NRXN3: variants seen among roughly 807,000 people sequenced by gnomAD.
NRXN3 encodes neurexin 3.
Under a neutral mutation model 137.6 loss-of-function variants are expected in NRXN3, and 32 were observed. The observed-to-expected ratio is 0.23, with a 90% CI of 0.18 to 0.31. The LOEUF is 0.31. NRXN3 is among the 10% of genes least tolerant of loss of function. The pLI is 1.00. For missense variants in NRXN3, 1,574 were observed against 2,062.5 expected (o/e 0.76, Z 4.59); for synonymous variants, 798 against 784.5 (o/e 1.02, Z -0.29).
intron 15 of NRXN3, among the ~76,000 whole-genome samples, chr14:79,281,381 T>G (rs932222798): frequency 3.9e-5 from 6 of 152,166 alleles, no homozygotes; most frequent in Admixed American, 3.9e-4. Context: ...GGAAGAGATC[T>G]ATGGCTCTGA....
At chr14:78,987,361 TC>T (rs2099509063) in intron 14 of NRXN3, among the ~76,000 whole-genome samples, 1 of 152,178 alleles carries the variant, frequency 6.6e-6, no homozygotes, top group African/African-American at 2.4e-5. Flanking sequence ...TACTGTGTCT[TC>T]CCGAGCTCAG....
intron 15 of NRXN3, among the ~76,000 whole-genome samples, chr14:79,390,196 A>C (rs1199783888): frequency 6.6e-6 from 1 of 151,822 alleles, no homozygotes; most frequent in Non-Finnish European, 1.5e-5. Context: ...GGGCACCTGT[A>C]GTCCCAGCTA....
At chr14:78,415,741 A>G (rs2093099734) in intron 4 of NRXN3, among the ~76,000 whole-genome samples, 1 of 152,100 alleles carries the variant, frequency 6.6e-6, no homozygotes, top group Non-Finnish European at 1.5e-5. Flanking sequence ...GGGTCATTAG[A>G]GTTTGATGAA....
chr14:79,094,473 A>G (rs1382188669), intron 15 of NRXN3, among the ~76,000 whole-genome samples: 1 of 152,240 alleles, frequency 6.6e-6, no homozygotes, highest in East Asian at 1.9e-4. Context: ...CGATTGAATC[A>G]CAATGGAATA....
At chr14:78,597,359 C>T (rs2097166056) in intron 4 of NRXN3, among the ~76,000 whole-genome samples, 1 of 152,162 alleles carries the variant, frequency 6.6e-6, no homozygotes, top group South Asian at 2.1e-4. Flanking sequence ...CCTATTTTTT[C>T]CAGGGAGAAG....
chr14:79,737,002 T>C (rs1015853608), intron 19 of NRXN3, among the ~76,000 whole-genome samples: 1 of 152,254 alleles, frequency 6.6e-6, no homozygotes, highest in Non-Finnish European at 1.5e-5. Context: ...ATGTTTCAGC[T>C]AATCCTCTTA....
intron 4 of NRXN3, among the ~76,000 whole-genome samples, chr14:78,360,304 T>TA (rs1003438198): frequency 8.6e-5 from 13 of 151,950 alleles, no homozygotes; most frequent in Non-Finnish European, 1.5e-4. Flanking sequence ...TTTCACTGTT[T>TA]AAAAAAAAAT....
intron 16 of NRXN3, among the ~76,000 whole-genome samples, chr14:79,660,180 G>C (rs1329583746): frequency 1.3e-5 from 2 of 152,130 alleles, no homozygotes; most frequent in African/African-American, 4.8e-5. Flanking sequence ...TTGCATGGCA[G>C]CTGTGCATGA....
chr14:78,816,633 A>T (rs1207425679), intron 10 of NRXN3, among the ~76,000 whole-genome samples: 1 of 152,184 alleles, frequency 6.6e-6, no homozygotes, highest in Non-Finnish European at 1.5e-5. Context: ...TCATTAGTTA[A>T]TGCATACATG....
intron 1 of NRXN3, among the ~76,000 whole-genome samples, chr14:78,185,613 A>G (rs752280746): frequency 1.3e-5 from 2 of 152,180 alleles, no homozygotes; most frequent in Non-Finnish European, 2.9e-5. Flanking sequence ...CATGAGTAAA[A>G]TTTCAGGTGA....
At chr14:79,748,053 G>A (rs1191284942) in intron 19 of NRXN3, among the ~76,000 whole-genome samples, 4 of 152,000 alleles carry the variant, frequency 2.6e-5, no homozygotes, top group African/African-American at 9.7e-5. Context: ...TCGGGGAGGG[G>A]GAGGGAGAGC....
chr14:79,015,487 C>G (rs1292736062), intron 15 of NRXN3, among the ~76,000 whole-genome samples: 1 of 152,092 alleles, frequency 6.6e-6, no homozygotes, highest in East Asian at 1.9e-4. Flanking sequence ...ACCCATGGGT[C>G]TTGGTTCTCT....
intron 4 of NRXN3, among the ~76,000 whole-genome samples, chr14:78,324,008 G>C (rs1304448690): frequency 6.6e-6 from 1 of 152,034 alleles, no homozygotes; most frequent in African/African-American, 2.4e-5. Flanking sequence ...TATGAGCTGG[G>C]TGTATAGCAA....
At chr14:78,544,804 C>A (rs1254213350) in intron 4 of NRXN3, among the ~76,000 whole-genome samples, 1 of 152,136 alleles carries the variant, frequency 6.6e-6, no homozygotes, top group Admixed American at 6.5e-5. Context: ...ACATGCATGA[C>A]CTGCCAAATC....
At chr14:79,230,393 A>G (rs2071948442) in intron 15 of NRXN3, among the ~76,000 whole-genome samples, 1 of 152,168 alleles carries the variant, frequency 6.6e-6, no homozygotes, top group South Asian at 2.1e-4. Context: ...CTAGCACAAC[A>G]TCAGCATCTT....
intron 17 of NRXN3, among the ~76,000 whole-genome samples, chr14:79,687,695 A>G (rs1187459583): frequency 2.0e-5 from 3 of 152,172 alleles, no homozygotes; most frequent in Admixed American, 2.0e-4. Context: ...GCTTGACAAC[A>G]TTTCAGGTGG....
chr14:79,194,068 C>G (rs2064800443), intron 15 of NRXN3, among the ~76,000 whole-genome samples: 1 of 152,148 alleles, frequency 6.6e-6, no homozygotes, highest in Non-Finnish European at 1.5e-5. Flanking sequence ...GTAATTAGCG[C>G]AATTTTCAGA....
intron 4 of NRXN3, among the ~76,000 whole-genome samples, chr14:78,532,871 G>C (rs575936277): frequency 6.6e-6 from 1 of 151,442 alleles, no homozygotes; most frequent in African/African-American, 2.4e-5. Context: ...GCTATTCTTC[G>C]AGTATTTACC....
chr14:79,611,000 A>G (rs1213762843), intron 16 of NRXN3, among the ~76,000 whole-genome samples: 1 of 152,176 alleles, frequency 6.6e-6, no homozygotes, highest in Non-Finnish European at 1.5e-5. Flanking sequence ...CTACTTGGGC[A>G]TAGTCAGCTG....
Sources: allele counts gnomAD v4.1 joint callset (sites outside exome capture counted in the v4.1 genomes callset), GRCh38; gene constraint gnomAD v4.1.1; transcripts MANE v1.5; gene names NCBI Gene and HGNC (gene_info 2026-07-23, HGNC 2026-07-21).